Variants in PCSK6 observed in about 807,000 individuals in gnomAD.
PCSK6 encodes the protein paired basic amino acid cleaving enzyme 4.
A neutral mutation model predicts 123.3 loss-of-function variants in PCSK6; 85 were observed. The observed-to-expected ratio is 0.69, with a 90% CI of 0.58 to 0.83. The LOEUF is 0.83. Ranked by LOEUF, PCSK6 falls within the 40% of genes least tolerant of loss-of-function variation. The pLI is 0.00. For synonymous variants in PCSK6, 508 were observed against 516.0 expected (o/e 0.98, Z 0.21); for missense variants, 1,191 against 1,282.3 (o/e 0.93, Z 1.09).
chr15:101,378,522 G>C (rs1403595251), intron 11 of PCSK6, among the ~76,000 whole-genome samples: 2 of 152,240 alleles, frequency 1.3e-5, no homozygotes, highest in Non-Finnish European at 2.9e-5. Context: ...TGGGCTCCTG[G>C]AGAGGTGGCT....
intron 1 of PCSK6, among the ~76,000 whole-genome samples, chr15:101,461,191 G>A (rs1364423811): frequency 6.6e-6 from 1 of 152,158 alleles, no homozygotes; most frequent in Non-Finnish European, 1.5e-5. Context: ...TGTAACCGCA[G>A]ATCAAGCAGA....
intron 13 of PCSK6, among the ~76,000 whole-genome samples, chr15:101,361,086 C>T (rs1027430324): frequency 1.3e-5 from 2 of 151,750 alleles, no homozygotes; most frequent in African/African-American, 2.4e-5. Flanking sequence ...TTTGAATAAA[C>T]TGATGAATTC....
At chr15:101,432,579 T>C (rs1004487539) in intron 2 of PCSK6, among the ~76,000 whole-genome samples, 2 of 148,616 alleles carry the variant, frequency 1.3e-5, no homozygotes, top group African/African-American at 5.0e-5. Context: ...CAGTGAGCCA[T>C]GATTGGTGCC....
intron 1 of PCSK6, 106 bp downstream of exon 1, chr15:101,489,268 C>G: frequency 1.4e-6 from 1 of 724,034 alleles, no homozygotes; most frequent in Non-Finnish European, 1.7e-6. Flanking sequence ...CCTTCCCACG[C>G]GCGCGCGGGG....
At position 101,313,496 on chromosome 15, in the gene PCSK6, C is replaced by T. The variant is rs1420489845; in HGVS notation, c.2579G>A (p.Arg860Lys). 1 of 1,599,400 alleles carries T rather than the reference C, an allele frequency of 6.3e-7. No homozygotes were observed. The highest frequency in any genetic ancestry group is 1.7e-5 in the Admixed American group (1 of 59,876). The change falls in exon 20 of 22, where the codon AGA becomes AAA. Residue 860 changes from arginine (R) to lysine (K), a missense_variant. Physicochemically the swap from Arg to Lys is conservative, Grantham distance 26. Coordinates refer to ENST00000611716, the MANE Select transcript of PCSK6 (RefSeq NM_002570.5). ...TTTCGCACAGTGAATGCACTCTTCT[C>T]TGCCTGGCCCTGAGAGACACAGGAA... ...HTCGTCVGPGREECIHCAKNF... is the reference protein window; with the variant it reads ...HTCGTCVGPGKEECIHCAKNF...
chr15:101,385,063 CT>C (rs2042020340), intron 9 of PCSK6, among the ~76,000 whole-genome samples: 1 of 152,218 alleles, frequency 6.6e-6, no homozygotes, highest in Admixed American at 6.5e-5. Context: ...GTTGCCCAGG[CT>C]GGAGTGCGGT....
chr15:101,329,157 A>T (rs538037320), intron 15 of PCSK6, among the ~76,000 whole-genome samples: 1 of 152,258 alleles, frequency 6.6e-6, no homozygotes, highest in Admixed American at 6.5e-5. Flanking sequence ...GCCTCTCTAG[A>T]TGGGCTTAAA....
chr15:101,402,780 G>A (rs1313181479), intron 6 of PCSK6, among the ~76,000 whole-genome samples: 2 of 152,156 alleles, frequency 1.3e-5, no homozygotes, highest in Non-Finnish European at 2.9e-5. Flanking sequence ...AACAGGTGCT[G>A]GAGAGGATGT....
At chr15:101,473,711 C>G (rs1230605543) in intron 1 of PCSK6, among the ~76,000 whole-genome samples, 1 of 152,164 alleles carries the variant, frequency 6.6e-6, no homozygotes, top group Non-Finnish European at 1.5e-5. Flanking sequence ...AACCCCATCT[C>G]TATTAAAAAT....
chr15:101,344,053 G>A (rs901529271), intron 13 of PCSK6, among the ~76,000 whole-genome samples: 2 of 151,948 alleles, frequency 1.3e-5, no homozygotes, highest in African/African-American at 4.8e-5. Context: ...TCCAGCCTGT[G>A]CGACAGAACA....
intron 5 of PCSK6, among the ~76,000 whole-genome samples, chr15:101,428,275 C>T (rs1023277742): frequency 1.4e-4 from 22 of 152,188 alleles, no homozygotes; most frequent in African/African-American, 3.9e-4. Context: ...CCCCAGTGCC[C>T]GTGGTCCTAT....
chr15:101,352,394 T>C lies in PCSK6; in HGVS notation c.1858+13802A>G, dbSNP rs144231332. ...GGATCTCCTGACCTCGTGATCCACCTGCCTTGGCCTCCCAAAGTGCTGAGA... is the reference window on the plus strand; with the variant it reads ...GGATCTCCTGACCTCGTGATCCACCCGCCTTGGCCTCCCAAAGTGCTGAGA... On this transcript the variant is annotated intron_variant, in intron 13 of 21. Transcript: ENST00000611716. Among the ~76,000 whole-genome samples the C allele has an allele frequency of 1.3e-3, 196 of 152,258 alleles. 3 individuals carry two copies. In the East Asian group the frequency reaches 0.032, roughly 25 times the overall value.
intron 6 of PCSK6, among the ~76,000 whole-genome samples, chr15:101,420,208 G>C: frequency 8.1e-6 from 1 of 123,762 alleles, no homozygotes; most frequent in Non-Finnish European, 1.7e-5. Flanking sequence ...AAAAAAAAAA[G>C]CTAAACAGGA....
rs1306793282 is a variant in PCSK6 at position 101,305,330 on chromosome 15, C to T, written c.2838G>A (p.Val946=). The T allele has an allele frequency of 1.2e-6, 2 of 1,612,724 alleles. No individual in the cohort carries two copies. Among genetic ancestry groups the T allele is most frequent in the Admixed American group, 1.7e-5 (1 of 59,998 alleles). ...TCCGTTCGCACAGCCGGTTGGACTTCACCATCTCGCAGAATGTCTCGTCAG... is the reference window on the plus strand; with the variant it reads ...TCCGTTCGCACAGCCGGTTGGACTTTACCATCTCGCAGAATGTCTCGTCAG... ...SNADETFCEM[V]KSNRLCERKL... Residue 946 remains valine, a synonymous_variant, in exon 22 of 22, where the codon GTG becomes GTA. Transcript: ENST00000611716. This position sits in a 1 kb window ranked among gnomAD's most constrained non-coding sequence, Gnocchi z 4.8.
At chr15:101,483,236 A>C (rs1019261601) in intron 1 of PCSK6, among the ~76,000 whole-genome samples, 5 of 152,194 alleles carry the variant, frequency 3.3e-5, no homozygotes, top group Non-Finnish European at 7.3e-5. Flanking sequence ...TGGCTGGAAC[A>C]AGTTCTGGCC....
intron 2 of PCSK6, among the ~76,000 whole-genome samples, chr15:101,434,562 G>A (rs1350394529): frequency 6.6e-6 from 1 of 152,250 alleles, no homozygotes; most frequent in Non-Finnish European, 1.5e-5. Context: ...ACACAGTTCT[G>A]AGGGGGACTG....
chr15:101,466,941 C>G (rs1345804350), intron 1 of PCSK6, among the ~76,000 whole-genome samples: 3 of 152,078 alleles, frequency 2.0e-5, no homozygotes, highest in Non-Finnish European at 1.5e-5. Flanking sequence ...GACAGTTGTA[C>G]AACTCTCTGA....
chr15:101,470,785 C>T (rs370857610), intron 1 of PCSK6, among the ~76,000 whole-genome samples: 2 of 152,138 alleles, frequency 1.3e-5, no homozygotes, highest in East Asian at 1.9e-4. Context: ...GGTACATCCC[C>T]GGGGTTACAC....
At chr15:101,372,875 C>T (rs1413072898) in intron 11 of PCSK6, among the ~76,000 whole-genome samples, 2 of 152,092 alleles carry the variant, frequency 1.3e-5, no homozygotes, top group African/African-American at 4.8e-5. Context: ...ACACGGTCCC[C>T]ACACTCCAAC....
Sources: allele counts gnomAD v4.1 joint callset (sites outside exome capture counted in the v4.1 genomes callset), GRCh38; gene constraint gnomAD v4.1.1; non-coding constraint Gnocchi (gnomAD v3.1); transcripts MANE v1.5; gene names NCBI Gene and HGNC (gene_info 2026-07-23, HGNC 2026-07-21).